RBPMS: variants seen among roughly 807,000 people sequenced by gnomAD.
The protein encoded by RBPMS is RNA binding protein, mRNA processing factor.
In RBPMS, 7 loss-of-function variants were observed where a neutral mutation model predicts 26.8. The observed-to-expected ratio is 0.26, with a 90% CI of 0.15 to 0.49. The LOEUF is 0.49. RBPMS is among the 20% of genes least tolerant of loss of function. RBPMS has a pLI of 0.98. For missense variants in RBPMS, 186 were observed against 250.0 expected, an observed-to-expected ratio of 0.74 and a Z score of 1.73; for synonymous variants, 96 against 93.3, an observed-to-expected ratio of 1.03 and a Z score of -0.17.
intron 6 of RBPMS, among the ~76,000 whole-genome samples, chr8:30,557,740 A>G (rs1307508334): frequency 6.6e-6 from 1 of 152,228 alleles, no homozygotes; most frequent in African/African-American, 2.4e-5. Flanking sequence ...GGTCATGGGG[A>G]GACCATGCCG....
intron 1 of RBPMS, among the ~76,000 whole-genome samples, chr8:30,463,166 G>C (rs191272925): frequency 1.3e-5 from 2 of 152,240 alleles, no homozygotes; most frequent in Admixed American, 1.3e-4. Flanking sequence ...ACATTTTTCT[G>C]AGCCCTTACT....
Position 30,385,044 on chromosome 8 carries a change from C to T in RBPMS, c.-49C>T, listed in dbSNP as rs927962453. On this transcript the variant is annotated 5_prime_UTR_variant, in exon 1 of 9. Transcript: ENST00000397323. ...TCCAGTGGGCTAGCGCGCCCTCGCC[C>T]AGCCCCGCGCCCCAGCCCTGCCCGG... 1.4e-6 allele frequency: 2 copies of T among 1,442,798 alleles called. No homozygotes were observed. Among genetic ancestry groups the T allele is most frequent in the Admixed American group, 4.9e-5 (2 of 40,846 alleles). 89.4% of individuals were successfully genotyped at this position (1,442,798 alleles called of 1,614,324 possible).
intron 7 of RBPMS, among the ~76,000 whole-genome samples, chr8:30,560,043 A>G (rs1424635070): frequency 1.3e-5 from 2 of 152,216 alleles, no homozygotes. Flanking sequence ...CACTTAATGG[A>G]GAAATGTTTC....
chr8:30,440,022 A>G (rs1267533896), intron 1 of RBPMS, among the ~76,000 whole-genome samples: 1 of 152,184 alleles, frequency 6.6e-6, no homozygotes, highest in Non-Finnish European at 1.5e-5. Flanking sequence ...ACAATCAATC[A>G]GTCAGTCAGT....
At chr8:30,390,269 C>G (rs1807631230) in intron 1 of RBPMS, among the ~76,000 whole-genome samples, 1 of 152,218 alleles carries the variant, frequency 6.6e-6, no homozygotes, top group Non-Finnish European at 1.5e-5. Context: ...TAGTTTTGCT[C>G]ACAAGCCTAG....
chr8:30,415,705 G>A (rs1467825107), intron 1 of RBPMS, among the ~76,000 whole-genome samples: 2 of 152,182 alleles, frequency 1.3e-5, no homozygotes, highest in African/African-American at 4.8e-5. Flanking sequence ...CTGGCCTTGG[G>A]AAAACCTGGA....
chr8:30,514,434 C>G (rs1397186519), intron 5 of RBPMS, among the ~76,000 whole-genome samples: 2 of 152,098 alleles, frequency 1.3e-5, no homozygotes, highest in Non-Finnish European at 1.5e-5. Flanking sequence ...CGGAAAATGA[C>G]AGTTTTTGTT....
chr8:30,423,579 G>T (rs1216125044), intron 1 of RBPMS, among the ~76,000 whole-genome samples: 1 of 141,090 alleles, frequency 7.1e-6, no homozygotes, highest in Admixed American at 7.2e-5. Context: ...CTCTCTTTTA[G>T]TTATTTATTT....
chr8:30,423,934 T>A (rs1282588998), intron 1 of RBPMS, among the ~76,000 whole-genome samples: 1 of 151,648 alleles, frequency 6.6e-6, no homozygotes, highest in Non-Finnish European at 1.5e-5. Flanking sequence ...GCCTCCCGGG[T>A]TCAAGCCATT....
At chr8:30,486,690 G>A (rs1180950760) in intron 4 of RBPMS, among the ~76,000 whole-genome samples, 6 of 152,030 alleles carry the variant, frequency 3.9e-5, no homozygotes, top group African/African-American at 1.2e-4. Flanking sequence ...AAAAGTAGTC[G>A]GAAATTTTAG....
chr8:30,498,179 G>C (rs1563377577), intron 4 of RBPMS, among the ~76,000 whole-genome samples: 1 of 151,852 alleles, frequency 6.6e-6, no homozygotes, highest in Non-Finnish European at 1.5e-5. Flanking sequence ...AGTGTAGGAA[G>C]CTCTAGCAGA....
chr8:30,476,107 A>G (rs1228945787), intron 2 of RBPMS, among the ~76,000 whole-genome samples: 3 of 152,186 alleles, frequency 2.0e-5, no homozygotes, highest in African/African-American at 7.2e-5. Context: ...GTATAGAGAG[A>G]AAGACATTCA....
At chr8:30,500,805 T>C (rs762883465) in intron 4 of RBPMS, among the ~76,000 whole-genome samples, 2 of 152,104 alleles carry the variant, frequency 1.3e-5, no homozygotes, top group South Asian at 2.1e-4. Context: ...AACACAGACA[T>C]TGGCCCCTGA....
In RBPMS at chr8:30,385,043, C is replaced by G; in HGVS notation, c.-50C>G. 3 of 1,443,676 alleles carry G rather than the reference C, an allele frequency of 2.1e-6. No homozygotes were observed. The highest frequency in any genetic ancestry group is 2.8e-6 in the Non-Finnish European group (3 of 1,084,936). The allele number at this position is 1,443,676 out of a possible 1,614,324, so 89.4% of individuals were successfully genotyped here. A position where few individuals can be genotyped will look rare whatever the true frequency, so the allele number is the denominator to read the frequency against. On this transcript the variant is annotated 5_prime_UTR_variant, in exon 1 of 9. Coordinates refer to ENST00000397323, the MANE Select transcript of RBPMS (RefSeq NM_001008710.3). The stretch of plus-strand genomic sequence containing the variant: ...CTCCAGTGGGCTAGCGCGCCCTCGC[C>G]CAGCCCCGCGCCCCAGCCCTGCCCG...
intron 1 of RBPMS, among the ~76,000 whole-genome samples, chr8:30,386,475 T>G (rs1807102071): frequency 6.6e-6 from 1 of 152,242 alleles, no homozygotes; most frequent in African/African-American, 2.4e-5. Flanking sequence ...AAATTGCTTT[T>G]TCACCCGAGG....
intron 1 of RBPMS, among the ~76,000 whole-genome samples, chr8:30,455,268 CTAAG>C (rs774010266): frequency 1.4e-4 from 21 of 152,234 alleles, no homozygotes; most frequent in African/African-American, 4.1e-4. Flanking sequence ...AGGGCTTTCT[CTAAG>C]TGAGTGTGTC....
At chr8:30,519,279 A>G (rs963928665) in intron 5 of RBPMS, among the ~76,000 whole-genome samples, 1 of 152,082 alleles carries the variant, frequency 6.6e-6, no homozygotes, top group Non-Finnish European at 1.5e-5. Flanking sequence ...CCAAAAACGA[A>G]TCATTCATGT....
At chr8:30,452,155 A>C (rs1480119126) in intron 1 of RBPMS, among the ~76,000 whole-genome samples, 1 of 152,198 alleles carries the variant, frequency 6.6e-6, no homozygotes, top group African/African-American at 2.4e-5. Flanking sequence ...AGGTTGTAAG[A>C]AGAAGGTGAT....
At chr8:30,485,465 T>A (rs1818679452) in intron 4 of RBPMS, among the ~76,000 whole-genome samples, 1 of 152,184 alleles carries the variant, frequency 6.6e-6, no homozygotes, top group African/African-American at 2.4e-5. Flanking sequence ...ATATGCAGGA[T>A]TGCCAGATGA....
Sources: gnomAD v4.1 joint callset for allele counts (sites outside exome capture counted in the v4.1 genomes callset) on GRCh38, gnomAD v4.1.1 for gene constraint, MANE v1.5 for transcripts, NCBI Gene and HGNC (gene_info 2026-07-23, HGNC 2026-07-21) for gene names.